The following NAA15 variants were observed in gnomAD, a reference collection of about 807,000 sequenced individuals.
NAA15 encodes the protein N-terminal acetyltransferase.
In NAA15, 34 loss-of-function variants were observed where a neutral mutation model predicts 114.0. The ratio of observed to expected loss-of-function variants is 0.30; its 90% CI spans 0.23 to 0.40. NAA15 has a LOEUF of 0.40. Ranked by LOEUF, NAA15 falls within the 10% of genes least tolerant of loss-of-function variation. The probability of loss-of-function intolerance (pLI) is 1.00; values close to 1 mark genes in which losing one functional copy is unlikely to be tolerated. For synonymous variants in NAA15, 340 were observed against 338.0 expected (o/e 1.01, Z -0.06); for missense variants, 658 against 1,004.5 (o/e 0.66, Z 4.66).
intron 1 of NAA15, among the ~76,000 whole-genome samples, chr4:139,308,228 T>G (rs1323634184): frequency 6.6e-6 from 1 of 152,192 alleles, no homozygotes; most frequent in African/African-American, 2.4e-5. Flanking sequence ...CCCTAAGTGC[T>G]AGGATTACAG....
intron 15 of NAA15, among the ~76,000 whole-genome samples, chr4:139,371,496 A>AGCGC (rs774315540): frequency 2.9e-4 from 12 of 41,778 alleles, no homozygotes; most frequent in East Asian, 8.9e-4. Flanking sequence ...AAAGAAAAGT[A>AGCGC]GCACACACAC....
intron 6 of NAA15, among the ~76,000 whole-genome samples, chr4:139,346,990 G>A (rs1747605641): frequency 6.6e-6 from 1 of 152,060 alleles, no homozygotes; most frequent in Non-Finnish European, 1.5e-5. Context: ...TGCCTAGTCT[G>A]GACTTGAACA....
intron 4 of NAA15, 77 bp from the exon 5 acceptor site, chr4:139,342,749 A>G: frequency 7.1e-7 from 1 of 1,417,556 alleles, no homozygotes; most frequent in Non-Finnish European, 9.7e-7. Context: ...CGCCTGGCCT[A>G]ATATGGAGAT....
chr4:139,331,359 G>C (rs1401336446), intron 1 of NAA15, among the ~76,000 whole-genome samples: 5 of 151,908 alleles, frequency 3.3e-5, no homozygotes, highest in Non-Finnish European at 5.9e-5. Flanking sequence ...TGAAAATGAG[G>C]ACTCAGAACT....
At chr4:139,304,992 G>A in intron 1 of NAA15, among the ~76,000 whole-genome samples, 1 of 151,984 alleles carries the variant, frequency 6.6e-6, no homozygotes, top group East Asian at 1.9e-4. Context: ...TATCAAAAGG[G>A]CACTGTAACC....
chr4:139,303,250 TA>T (rs1315346170), intron 1 of NAA15, among the ~76,000 whole-genome samples: 2 of 152,196 alleles, frequency 1.3e-5, no homozygotes, highest in Non-Finnish European at 2.9e-5. Flanking sequence ...AAAATAGTTT[TA>T]GGAAAAAAGT....
At chr4:139,328,945 C>A (rs1746901525) in intron 1 of NAA15, among the ~76,000 whole-genome samples, 1 of 151,144 alleles carries the variant, frequency 6.6e-6, no homozygotes, top group African/African-American at 2.4e-5. Context: ...ACTCAACTCA[C>A]TGAAACCTCC....
intron 12 of NAA15, among the ~76,000 whole-genome samples, 197 bp downstream of exon 12, chr4:139,360,092 A>G (rs573773336): frequency 5.3e-5 from 8 of 152,290 alleles, no homozygotes; most frequent in South Asian, 2.1e-4. Context: ...GGGTTGTACA[A>G]TGGACTTTTA....
chr4:139,348,951 A>T (rs1194735392), intron 6 of NAA15, among the ~76,000 whole-genome samples: 1 of 152,226 alleles, frequency 6.6e-6, no homozygotes, highest in Non-Finnish European at 1.5e-5. Context: ...GAAAGAAAAG[A>T]CAGTTAAGCT....
At chr4:139,324,853 C>T (rs544327250) in intron 1 of NAA15, among the ~76,000 whole-genome samples, 2 of 152,268 alleles carry the variant, frequency 1.3e-5, no homozygotes, top group Non-Finnish European at 2.9e-5. Flanking sequence ...GATCTATTTA[C>T]TTAAATGCAC....
rs1295232301 is a variant in NAA15, at chr4:139,390,525, A to G, written c.*2441A>G. 2 of 152,672 alleles carry G rather than the reference A, an allele frequency of 1.3e-5. No individual in the cohort carries two copies. Among genetic ancestry groups the G allele is most frequent in the Non-Finnish European group, 2.9e-5 (2 of 68,044 alleles). The allele number at this position is 152,672 out of a possible 1,614,324, so 9.5% of individuals were successfully genotyped here. A position where few individuals can be genotyped will look rare whatever the true frequency, so the allele number is the denominator to read the frequency against. ...AAAATGGAGTGATGTTGTAATCTAA[A>G]CAAGTGCCTTATGTTTATTGCTAAG... On this transcript the variant is annotated 3_prime_UTR_variant, in exon 20 of 20. Transcript: ENST00000296543.
At chr4:139,332,763 G>A (rs1011859754) in intron 1 of NAA15, among the ~76,000 whole-genome samples, 1 of 151,456 alleles carries the variant, frequency 6.6e-6, no homozygotes, top group African/African-American at 2.4e-5. Flanking sequence ...TGTATTTTTA[G>A]TGGAGACAGG....
chr4:139,386,782 G>A (rs1056402460), intron 19 of NAA15, among the ~76,000 whole-genome samples: 2 of 151,912 alleles, frequency 1.3e-5, no homozygotes, highest in African/African-American at 2.4e-5. Flanking sequence ...TGATTGTGAC[G>A]CTGTACTCCA....
chr4:139,334,151 A>T (rs1560961999), intron 1 of NAA15, 23 bp from the exon 2 acceptor site: 1 of 1,509,562 alleles, frequency 6.6e-7, no homozygotes. Context: ...CTAAACTTAA[A>T]TTTTTCTTTT....
At position 139,344,087 on chromosome 4, in the gene NAA15, G is replaced by A. The variant is rs77968645; in HGVS notation, c.538-99G>A. On this transcript the variant is annotated intron_variant, in intron 5 of 19. Transcript: ENST00000296543. ...TAAAAATTAGTTTTATCAACCGGAT[G>A]TTATCCTTTGACTTCTTACATGTTT... 4,730 of 1,067,700 alleles carry A rather than the reference G, an allele frequency of 4.4e-3. 143 individuals are homozygous for A. In the African/African-American group the frequency reaches 0.068, roughly 15 times the overall value. The allele number at this position is 1,067,700 out of a possible 1,614,324, so 66.1% of individuals were successfully genotyped here. A position where few individuals can be genotyped will look rare whatever the true frequency, so the allele number is the denominator to read the frequency against.
intron 1 of NAA15, among the ~76,000 whole-genome samples, chr4:139,327,142 A>T (rs1476370419): frequency 6.6e-6 from 1 of 152,054 alleles, no homozygotes; most frequent in Non-Finnish European, 1.5e-5. Context: ...TCACTATGTT[A>T]TGCAGGCTGG....
At chr4:139,364,722 C>T (rs1748229505) in intron 14 of NAA15, among the ~76,000 whole-genome samples, 1 of 152,148 alleles carries the variant, frequency 6.6e-6, no homozygotes, top group Admixed American at 6.5e-5. Flanking sequence ...AACACTGTGT[C>T]TTTAGAATTT....
intron 1 of NAA15, among the ~76,000 whole-genome samples, chr4:139,321,439 C>T (rs1746602482): frequency 6.7e-6 from 1 of 149,458 alleles, no homozygotes; most frequent in South Asian, 2.1e-4. Flanking sequence ...ACTGGGATTA[C>T]AAACTTGAGC....
intron 1 of NAA15, among the ~76,000 whole-genome samples, chr4:139,321,868 A>G (rs1388032928): frequency 6.6e-6 from 1 of 151,968 alleles, no homozygotes; most frequent in African/African-American, 2.4e-5. Context: ...AGTCTCAGCT[A>G]CTTACGTCAT....
Sources: gnomAD v4.1 joint callset for allele counts (sites outside exome capture counted in the v4.1 genomes callset) on GRCh38, gnomAD v4.1.1 for gene constraint, MANE v1.5 for transcripts, NCBI Gene and HGNC (gene_info 2026-07-23, HGNC 2026-07-21) for gene names.